Variants in BMP7 observed in about 807,000 individuals in gnomAD.
The protein encoded by BMP7 is bone morphogenetic protein 7.
Under a neutral mutation model 41.2 loss-of-function variants are expected in BMP7, and 12 were observed. The observed-to-expected ratio is 0.29, with a 90% CI of 0.19 to 0.47. BMP7 has a LOEUF of 0.47. Ranked by LOEUF, BMP7 falls within the 20% of genes least tolerant of loss-of-function variation. The probability of loss-of-function intolerance (pLI) is 0.99; values close to 1 mark genes in which losing one functional copy is unlikely to be tolerated. For missense variants in BMP7, 467 were observed against 606.0 expected, an observed-to-expected ratio of 0.77 and a Z score of 2.41; for synonymous variants, 248 against 250.0, an observed-to-expected ratio of 0.99 and a Z score of 0.07.
At chr20:57,247,315 CATT>C (rs2066094301) in intron 1 of BMP7, among the ~76,000 whole-genome samples, 1 of 152,216 alleles carries the variant, frequency 6.6e-6, no homozygotes, top group African/African-American at 2.4e-5. Context: ...TTTGCTCCAT[CATT>C]GTCTGCATGT....
chr20:57,208,233 T>C (rs1279184060), intron 2 of BMP7, among the ~76,000 whole-genome samples: 1 of 152,214 alleles, frequency 6.6e-6, no homozygotes, highest in Non-Finnish European at 1.5e-5. Context: ...AAACCCATAT[T>C]GTAAAGCTAG....
chr20:57,184,005 G>A (rs909120178), intron 3 of BMP7, 86 bp from the exon 4 acceptor site: 16 of 1,445,232 alleles, frequency 1.1e-5, no homozygotes, highest in East Asian at 2.4e-5. Context: ...TATGCCTCCC[G>A]GTTCATTCAT....
chr20:57,265,568 G>A (rs1037308003), intron 1 of BMP7, 137 bp downstream of exon 1: 71 of 1,374,448 alleles, frequency 5.2e-5, no homozygotes, highest in Non-Finnish European at 6.3e-5. Flanking sequence ...GCTGTGGGTG[G>A]GAGACCCTCG....
Position 57,265,906 on chromosome 20 carries a change from G to C in BMP7, c.217C>G (p.Gln73Glu). The change falls in exon 1 of 7, where the codon CAG becomes GAG. Residue 73 changes from glutamine to glutamate, a missense_variant. By Grantham distance (29) the Gln-to-Glu change is conservative (BLOSUM62 2). Around this residue, in one of 2 missense-constraint regions of BMP7, gnomAD observed 407 missense variants for 485.9 expected, o/e 0.84. Coordinates refer to ENST00000395863, the MANE Select transcript of BMP7 (RefSeq NM_001719.3). ...GLPHRPRPHL[Q>E]GKHNSAPMFM... ...ATGGGTGCCGAGTTGTGCTTGCCCTGGAGGTGCGGGCGCGGGCGGTGGGGC... is the reference window on the plus strand; with the variant it reads ...ATGGGTGCCGAGTTGTGCTTGCCCTCGAGGTGCGGGCGCGGGCGGTGGGGC... The C allele has an allele frequency of 6.3e-7, 1 of 1,585,600 alleles. No homozygotes were observed. Among genetic ancestry groups the C allele is most frequent in the Non-Finnish European group, 8.6e-7 (1 of 1,165,620 alleles).
chr20:57,253,286 A>G (rs996774218), intron 1 of BMP7, among the ~76,000 whole-genome samples: 4 of 152,192 alleles, frequency 2.6e-5, no homozygotes, highest in Admixed American at 6.5e-5. Context: ...CTCTCAAGAA[A>G]TGTTAGGTCA....
At chr20:57,216,154 G>A (rs142187865) in intron 2 of BMP7, among the ~76,000 whole-genome samples, 1 of 152,096 alleles carries the variant, frequency 6.6e-6, no homozygotes, top group South Asian at 2.1e-4. Context: ...CAGGAAGGGG[G>A]CAGGCTGAGG....
intron 3 of BMP7, among the ~76,000 whole-genome samples, chr20:57,201,388 C>T (rs1374290623): frequency 1.3e-5 from 2 of 152,172 alleles, no homozygotes; most frequent in African/African-American, 4.8e-5. Context: ...GCTGACAGGA[C>T]CAGTCTCCGA....
At chr20:57,232,852 TACACACACAC>T (rs60368986) in intron 1 of BMP7, among the ~76,000 whole-genome samples, 4,742 of 138,112 alleles carry the variant, frequency 0.034, 87 homozygotes, top group Middle Eastern at 0.05. Flanking sequence ...AGTCATGAAG[TACACACACAC>T]ACACACACAC....
intron 3 of BMP7, among the ~76,000 whole-genome samples, chr20:57,185,893 G>A (rs1403926675): frequency 6.7e-5 from 10 of 149,044 alleles, no homozygotes; most frequent in Non-Finnish European, 1.5e-4. Context: ...CTAGCTCAGG[G>A]CAGAGCTTTG....
intron 1 of BMP7, among the ~76,000 whole-genome samples, chr20:57,242,293 C>A (rs2066072769): frequency 6.6e-6 from 1 of 152,116 alleles, no homozygotes; most frequent in African/African-American, 2.4e-5. Flanking sequence ...TCAGGATGGT[C>A]CCCCATCCAA....
intron 2 of BMP7, among the ~76,000 whole-genome samples, chr20:57,211,106 C>T (rs1330939511): frequency 6.6e-6 from 1 of 152,206 alleles, no homozygotes; most frequent in Non-Finnish European, 1.5e-5. Context: ...GGCCGGGGGC[C>T]CTCAGCACCC....
At chr20:57,242,779 G>A (rs1019555953) in intron 1 of BMP7, among the ~76,000 whole-genome samples, 5 of 151,558 alleles carry the variant, frequency 3.3e-5, no homozygotes, top group African/African-American at 4.8e-5. Context: ...AAGGTGGGTG[G>A]ATCACTTGAG....
chr20:57,204,626 T>C (rs1434654804), intron 2 of BMP7, among the ~76,000 whole-genome samples: 1 of 152,154 alleles, frequency 6.6e-6, no homozygotes, highest in Non-Finnish European at 1.5e-5. Flanking sequence ...CCTCTCTCCA[T>C]CCAAAACTCT....
chr20:57,183,804 C>T lies in BMP7; in HGVS notation c.876G>A (p.Arg292=). 6.2e-7 allele frequency: 1 copy of T among 1,614,186 alleles called. No homozygotes were observed. Among genetic ancestry groups the T allele is most frequent in the Non-Finnish European group, 8.5e-7 (1 of 1,180,052 alleles). The change falls in exon 4 of 7, where the codon CGG becomes CGA. Residue 292 remains arginine (R), a synonymous_variant. Coordinates refer to ENST00000395863, the MANE Select transcript of BMP7 (RefSeq NM_001719.3). Reference sequence around the variant, plus strand: ...GGCTGCGCTGTTTGCTCCCCGTGGACCGGATGCTGCGGAAGTGGACCTCCG... The same window carrying T: ...GGCTGCGCTGTTTGCTCCCCGTGGATCGGATGCTGCGGAAGTGGACCTCCG... ...KATEVHFRSI[R]STGSKQRSQN...
chr20:57,221,811 C>CAAA (rs57893562), intron 2 of BMP7, among the ~76,000 whole-genome samples: 3 of 127,600 alleles, frequency 2.4e-5, no homozygotes, highest in African/African-American at 2.7e-5. Flanking sequence ...CCCTATCTCT[C>CAAA]AAAAAAAAAA....
At chr20:57,265,240 G>A (rs1008356281) in intron 1 of BMP7, among the ~76,000 whole-genome samples, 30 of 152,320 alleles carry the variant, frequency 2.0e-4, no homozygotes, top group Admixed American at 1.4e-3. Context: ...GACAGGTAGG[G>A]CTTGACAGGG....
rs2146033075 is a variant in BMP7, at chr20:57,261,026, T to C, written c.418+4679A>G. Among the ~76,000 whole-genome samples, 1 of 152,258 alleles carries C rather than the reference T, an allele frequency of 6.6e-6. No individual in the cohort carries two copies. The highest frequency in any genetic ancestry group is 2.4e-5 in the African/African-American group (1 of 41,546). Reference sequence around the variant, plus strand: ...ATGGGCCAAATATGACCTTACCAAATGAGGGAGAGATATTAAAGTGATAGG... The same window carrying C: ...ATGGGCCAAATATGACCTTACCAAACGAGGGAGAGATATTAAAGTGATAGG... On this transcript the variant is annotated intron_variant, in intron 1 of 6. Coordinates refer to ENST00000395863, the MANE Select transcript of BMP7 (RefSeq NM_001719.3). The surrounding 1 kb of genome is among the most constrained non-coding windows in gnomAD (Gnocchi z 4.1).
chr20:57,205,787 A>G (rs1984715834), intron 2 of BMP7, among the ~76,000 whole-genome samples: 1 of 152,182 alleles, frequency 6.6e-6, no homozygotes. Flanking sequence ...AGGCTATGAC[A>G]CTGAGGCCAG....
intron 2 of BMP7, among the ~76,000 whole-genome samples, chr20:57,209,413 C>T (rs1984829868): frequency 6.6e-6 from 1 of 151,454 alleles, no homozygotes; most frequent in South Asian, 2.1e-4. Context: ...CTATTGCACT[C>T]CAGCCTGAGT....
Sources: gnomAD v4.1 joint callset for allele counts (sites outside exome capture counted in the v4.1 genomes callset) on GRCh38, gnomAD v4.1.1 for gene constraint, gnomAD v4.1.1 regional missense constraint, Gnocchi (gnomAD v3.1) non-coding constraint, MANE v1.5 for transcripts, NCBI Gene and HGNC (gene_info 2026-07-23, HGNC 2026-07-21) for gene names.